ZCCHC7: variants seen among roughly 807,000 people sequenced by gnomAD.
ZCCHC7 encodes zinc finger CCHC-type containing 7, also known as zinc finger CCHC domain-containing protein 7.
Under a neutral mutation model 52.0 loss-of-function variants are expected in ZCCHC7, and 35 were observed. The observed-to-expected ratio is 0.67, with a 90% CI of 0.51 to 0.89. ZCCHC7 has a LOEUF of 0.89. ZCCHC7 is among the 40% of genes least tolerant of loss of function. The pLI, the probability that ZCCHC7 is intolerant of heterozygous loss-of-function variation, is 0.00. For synonymous variants in ZCCHC7, 217 were observed against 221.5 expected (o/e 0.98, Z 0.18); for missense variants, 574 against 649.1 (o/e 0.88, Z 1.26).
intron 2 of ZCCHC7, among the ~76,000 whole-genome samples, chr9:37,173,490 CAG>C (rs1196845473): frequency 1.3e-5 from 2 of 152,208 alleles, no homozygotes; most frequent in Non-Finnish European, 2.9e-5. Flanking sequence ...ATTCCTTTAA[CAG>C]AGATCTCTGA....
intron 2 of ZCCHC7, among the ~76,000 whole-genome samples, chr9:37,151,026 G>A (rs1434813718): frequency 6.7e-6 from 1 of 150,170 alleles, no homozygotes; most frequent in African/African-American, 2.4e-5. Context: ...GTGCAGTGGA[G>A]CCATCTCAGC....
At chr9:37,333,828 G>T (rs1381152999) in intron 6 of ZCCHC7, 1 of 151,620 alleles carries the variant, frequency 6.6e-6, no homozygotes, top group East Asian at 1.9e-4. Flanking sequence ...TAATCTCAAA[G>T]AAAACTACAT....
intron 2 of ZCCHC7, among the ~76,000 whole-genome samples, chr9:37,232,552 A>C (rs939173288): frequency 2.0e-5 from 3 of 152,154 alleles, no homozygotes; most frequent in Non-Finnish European, 4.4e-5. Context: ...AAATCCAACC[A>C]ATCTCCTGTT....
chr9:37,324,626 C>G (rs1269183527), intron 5 of ZCCHC7, among the ~76,000 whole-genome samples: 1 of 152,214 alleles, frequency 6.6e-6, no homozygotes, highest in Non-Finnish European at 1.5e-5. Flanking sequence ...TCAGCTCATA[C>G]ATTTTGGTTA....
At chr9:37,293,850 C>T (rs1348347190) in intron 2 of ZCCHC7, among the ~76,000 whole-genome samples, 15 of 152,084 alleles carry the variant, frequency 9.9e-5, no homozygotes, top group Middle Eastern at 3.2e-3. Context: ...TTAGCGAAAG[C>T]TCTATATGAC....
chr9:37,238,994 GT>G (rs1423523524), intron 2 of ZCCHC7, among the ~76,000 whole-genome samples: 5 of 152,144 alleles, frequency 3.3e-5, no homozygotes, highest in Non-Finnish European at 5.9e-5. Context: ...ACTCTATATA[GT>G]TGTGGTTAGT....
intron 2 of ZCCHC7, among the ~76,000 whole-genome samples, chr9:37,202,238 T>G (rs1357527629): frequency 6.6e-6 from 1 of 152,316 alleles, no homozygotes; most frequent in East Asian, 1.9e-4. Context: ...TTGAGATAGA[T>G]TGGGATAACA....
chr9:37,289,850 G>A (rs1037897761), intron 2 of ZCCHC7, among the ~76,000 whole-genome samples: 71 of 152,106 alleles, frequency 4.7e-4, no homozygotes, highest in African/African-American at 1.6e-3. Flanking sequence ...AACACATCAG[G>A]AATATTTTTG....
At chr9:37,153,431 A>G (rs1207979340) in intron 2 of ZCCHC7, among the ~76,000 whole-genome samples, 1 of 152,014 alleles carries the variant, frequency 6.6e-6, no homozygotes, top group Admixed American at 6.6e-5. Flanking sequence ...TCAGCCTACC[A>G]AAGTGCTGGG....
intron 2 of ZCCHC7, among the ~76,000 whole-genome samples, chr9:37,233,416 T>C (rs1783048175): frequency 6.6e-6 from 1 of 152,234 alleles, no homozygotes; most frequent in African/African-American, 2.4e-5. Context: ...TATAATATGC[T>C]TATAAAGATA....
intron 2 of ZCCHC7, among the ~76,000 whole-genome samples, chr9:37,166,834 T>A (rs1000978311): frequency 5.9e-5 from 9 of 152,234 alleles, no homozygotes; most frequent in African/African-American, 2.2e-4. Context: ...TTATTTAATT[T>A]CTGTACGTAA....
chr9:37,349,282 A>G, intron 6 of ZCCHC7, 75 bp from the exon 7 acceptor site: 2 of 1,466,576 alleles, frequency 1.4e-6, no homozygotes, highest in Non-Finnish European at 1.9e-6. Flanking sequence ...CCTTACCTAT[A>G]AAGCTCTTTT....
chr9:37,268,153 C>T (rs1040540426), intron 2 of ZCCHC7, among the ~76,000 whole-genome samples: 5 of 152,030 alleles, frequency 3.3e-5, no homozygotes, highest in Non-Finnish European at 7.4e-5. Flanking sequence ...TTTTTTGTTC[C>T]CCACAGTGCT....
chr9:37,282,792 A>C (rs13283208), intron 2 of ZCCHC7, among the ~76,000 whole-genome samples: 14 of 146,172 alleles, frequency 9.6e-5, no homozygotes, highest in Admixed American at 2.1e-4. Flanking sequence ...TGTTTTTGCC[A>C]CTGCACTCCA....
At chr9:37,178,335 G>A (rs1588434495) in intron 2 of ZCCHC7, among the ~76,000 whole-genome samples, 3 of 147,936 alleles carry the variant, frequency 2.0e-5, no homozygotes, top group South Asian at 4.2e-4. Context: ...ACATCCCAGC[G>A]TCACATACCA....
rs141213366 is a variant in ZCCHC7 at position 37,144,700 on chromosome 9, A to G, written c.610+17758A>G. Among the ~76,000 whole-genome samples, 951 of 152,030 alleles carry G rather than the reference A, an allele frequency of 6.3e-3. 9 individuals are homozygous for G. The highest frequency in any genetic ancestry group is 0.014 in the Middle Eastern group (4 of 294). Reference sequence around the variant, plus strand: ...ATATATGATCCATCTATGACATTCTATCATCCAGGTGTTACTATTTTATTG... The same window carrying G: ...ATATATGATCCATCTATGACATTCTGTCATCCAGGTGTTACTATTTTATTG... On this transcript the variant is annotated intron_variant, in intron 2 of 8. Transcript: ENST00000336755.
intron 2 of ZCCHC7, among the ~76,000 whole-genome samples, chr9:37,275,812 T>A (rs1443640769): frequency 2.6e-5 from 4 of 152,062 alleles, no homozygotes; most frequent in African/African-American, 7.2e-5. Context: ...CTGGCTAATT[T>A]TTTTTATTTT....
chr9:37,179,128 A>G (rs1031074317), intron 2 of ZCCHC7, among the ~76,000 whole-genome samples: 2 of 152,172 alleles, frequency 1.3e-5, no homozygotes, highest in Non-Finnish European at 2.9e-5. Context: ...AGCATAACCC[A>G]TGTAAATTTT....
intron 2 of ZCCHC7, among the ~76,000 whole-genome samples, chr9:37,140,668 CG>C (rs889530926): frequency 8.6e-5 from 13 of 151,936 alleles, no homozygotes; most frequent in Admixed American, 7.2e-4. Flanking sequence ...ACAGAAGAAA[CG>C]TAAGTGTTGT....
Sources: allele counts gnomAD v4.1 joint callset (sites outside exome capture counted in the v4.1 genomes callset), GRCh38; gene constraint gnomAD v4.1.1; transcripts MANE v1.5; gene names NCBI Gene and HGNC (gene_info 2026-07-23, HGNC 2026-07-21).